The following PTPRM variants were observed in gnomAD, a reference collection of about 807,000 sequenced individuals.
The protein encoded by PTPRM is protein tyrosine phosphatase receptor type M, also known as receptor-type tyrosine-protein phosphatase mu.
Under a neutral mutation model 186.7 loss-of-function variants are expected in PTPRM, and 47 were observed. The observed-to-expected ratio is 0.25, with a 90% CI of 0.20 to 0.32. The LOEUF is 0.32. Ranked by LOEUF, PTPRM falls within the 10% of genes least tolerant of loss-of-function variation. The pLI, the probability that PTPRM is intolerant of heterozygous loss-of-function variation, is 1.00. For missense variants in PTPRM, 1,494 were observed against 1,865.0 expected (o/e 0.80, Z 3.66); for synonymous variants, 668 against 674.9 (o/e 0.99, Z 0.16).
At chr18:8,365,989 G>T (rs772445315) in intron 23 of PTPRM, among the ~76,000 whole-genome samples, 36 of 152,176 alleles carry the variant, frequency 2.4e-4, no homozygotes, top group Non-Finnish European at 1.9e-4. Context: ...ATGGCCTGGG[G>T]AGAGGGGGGC....
At chr18:8,113,866 A>T (rs1490003384) in intron 12 of PTPRM, 107 bp downstream of exon 12, 1 of 1,138,590 alleles carries the variant, frequency 8.8e-7, no homozygotes, top group Non-Finnish European at 1.2e-6. Flanking sequence ...CTGCATTTCT[A>T]CTTGTAAACA....
At chr18:7,694,790 G>A (rs1288952692) in intron 1 of PTPRM, among the ~76,000 whole-genome samples, 2 of 152,044 alleles carry the variant, frequency 1.3e-5, no homozygotes, top group Non-Finnish European at 2.9e-5. Flanking sequence ...ATGGGTGAAT[G>A]TATTCATGAA....
intron 7 of PTPRM, among the ~76,000 whole-genome samples, chr18:8,004,244 T>C (rs2084039673): frequency 6.6e-6 from 1 of 152,136 alleles, no homozygotes; most frequent in South Asian, 2.1e-4. Flanking sequence ...GAGGGGCATG[T>C]TGGATAAGAC....
At chr18:7,812,530 A>G (rs1189522722) in intron 2 of PTPRM, among the ~76,000 whole-genome samples, 1 of 152,192 alleles carries the variant, frequency 6.6e-6, no homozygotes, top group Non-Finnish European at 1.5e-5. Context: ...TGCTCCAGGA[A>G]TCTCCTGCAG....
At chr18:7,639,391 C>CT (rs5822976) in intron 1 of PTPRM, among the ~76,000 whole-genome samples, 46,642 of 142,106 alleles carry the variant, frequency 0.33, 11,005 homozygotes, top group African/African-American at 0.68. Context: ...ATTCTATATG[C>CT]TTTTTTTTTT....
At chr18:8,287,697 T>A (rs1237849941) in intron 19 of PTPRM, among the ~76,000 whole-genome samples, 1 of 152,114 alleles carries the variant, frequency 6.6e-6, no homozygotes, top group Non-Finnish European at 1.5e-5. Flanking sequence ...GGTGCAGAGG[T>A]GGAGGAAATT....
intron 1 of PTPRM, among the ~76,000 whole-genome samples, chr18:7,669,858 G>A (rs2039179398): frequency 6.6e-6 from 1 of 152,036 alleles, no homozygotes; most frequent in Admixed American, 6.6e-5. Context: ...GAATAGCTGG[G>A]ATTACAAGCA....
chr18:7,673,348 C>A (rs1304017250), intron 1 of PTPRM, among the ~76,000 whole-genome samples: 2 of 152,058 alleles, frequency 1.3e-5, no homozygotes, highest in Non-Finnish European at 2.9e-5. Context: ...TATTTTGTGG[C>A]CTTAAAGGAA....
intron 1 of PTPRM, among the ~76,000 whole-genome samples, chr18:7,686,187 C>T (rs1175409639): frequency 6.6e-6 from 1 of 152,122 alleles, no homozygotes; most frequent in Non-Finnish European, 1.5e-5. Context: ...CAAGGATCTC[C>T]CAGGTCTGCA....
At chr18:7,636,399 G>A (rs1472422373) in intron 1 of PTPRM, among the ~76,000 whole-genome samples, 1 of 152,160 alleles carries the variant, frequency 6.6e-6, no homozygotes, top group East Asian at 1.9e-4. Context: ...CATAGGTAAT[G>A]TAACCATTAC....
chr18:8,162,867 A>G (rs1172192999), intron 14 of PTPRM, among the ~76,000 whole-genome samples: 1 of 152,194 alleles, frequency 6.6e-6, no homozygotes, highest in Non-Finnish European at 1.5e-5. Context: ...TAAGTGTCCA[A>G]TCCACAGCCT....
At chr18:8,318,285 CTTTTTTTTTTTTT>C (rs140026832) in intron 21 of PTPRM, among the ~76,000 whole-genome samples, 3 of 59,906 alleles carry the variant, frequency 5.0e-5, no homozygotes, top group Admixed American at 5.6e-4. Context: ...TTGTTTCCTT[CTTTTTTTTTTTTT>C]TTTTTTTTTT....
At chr18:8,149,787 G>T (rs931037417) in intron 14 of PTPRM, among the ~76,000 whole-genome samples, 1 of 152,126 alleles carries the variant, frequency 6.6e-6, no homozygotes, top group African/African-American at 2.4e-5. Flanking sequence ...GGCTGGTACC[G>T]GTTGTTCCTT....
chr18:8,273,848 A>G (rs919795209), intron 19 of PTPRM, among the ~76,000 whole-genome samples: 2 of 152,246 alleles, frequency 1.3e-5, no homozygotes, highest in Non-Finnish European at 2.9e-5. Context: ...ATGGAAAAGC[A>G]GTTTGCTCAA....
chr18:7,594,677 C>T (rs922504753), intron 1 of PTPRM, among the ~76,000 whole-genome samples: 5 of 152,030 alleles, frequency 3.3e-5, no homozygotes, highest in South Asian at 2.1e-4. Flanking sequence ...AGGTTTCCAC[C>T]CAGGGTTTTA....
At chr18:8,056,719 G>A (rs1244428208) in intron 7 of PTPRM, among the ~76,000 whole-genome samples, 1 of 151,074 alleles carries the variant, frequency 6.6e-6, no homozygotes, top group Non-Finnish European at 1.5e-5. Context: ...AGCCAGTATA[G>A]GCCCATAGCC....
intron 5 of PTPRM, among the ~76,000 whole-genome samples, chr18:7,932,331 TAC>T (rs2051540366): frequency 6.6e-6 from 1 of 152,192 alleles, no homozygotes; most frequent in Admixed American, 6.5e-5. Flanking sequence ...TTTTTAAAAT[TAC>T]ACAATTATGT....
At chr18:8,298,512 C>A (rs553476811) in intron 20 of PTPRM, among the ~76,000 whole-genome samples, 6 of 152,274 alleles carry the variant, frequency 3.9e-5, no homozygotes, top group African/African-American at 1.4e-4. Flanking sequence ...TGCTTCTTCC[C>A]AATGTATAGT....
At chr18:7,700,221 C>T (rs1196144459) in intron 1 of PTPRM, among the ~76,000 whole-genome samples, 1 of 152,070 alleles carries the variant, frequency 6.6e-6, no homozygotes, top group East Asian at 1.9e-4. Flanking sequence ...AAGAAAAAAT[C>T]TTTAGCTGCC....
Sources: gnomAD v4.1 joint callset for allele counts (sites outside exome capture counted in the v4.1 genomes callset) on GRCh38, gnomAD v4.1.1 for gene constraint, MANE v1.5 for transcripts, NCBI Gene and HGNC (gene_info 2026-07-23, HGNC 2026-07-21) for gene names.